Variants in SRGN observed in about 807,000 individuals in gnomAD.
The protein encoded by SRGN is serglycin, also known as hematopoetic proteoglycan core peptide.
A neutral mutation model predicts 9.5 loss-of-function variants in SRGN; 2 were observed. The ratio of observed to expected loss-of-function variants is 0.21; its 90% CI spans 0.09 to 0.66. The LOEUF (loss-of-function observed/expected upper bound fraction) is 0.66. Ranked by LOEUF, SRGN falls within the 30% of genes least tolerant of loss-of-function variation. The probability of loss-of-function intolerance (pLI) is 0.83; values close to 1 mark genes in which losing one functional copy is unlikely to be tolerated. For synonymous variants in SRGN, 59 were observed against 72.3 expected, an observed-to-expected ratio of 0.82 and a Z score of 0.93; for missense variants, 170 against 192.4, an observed-to-expected ratio of 0.88 and a Z score of 0.69.
At chr10:69,089,672 G>A (rs537871468) in intron 1 of SRGN, among the ~76,000 whole-genome samples, 1 of 152,104 alleles carries the variant, frequency 6.6e-6, no homozygotes, top group Non-Finnish European at 1.5e-5. Context: ...AAGGTAGGCA[G>A]ATCATGAGGT....
intron 1 of SRGN, among the ~76,000 whole-genome samples, chr10:69,091,908 AGAAAAAGAAAAGAAAAG>A (rs1840068335): frequency 1.2e-5 from 1 of 80,554 alleles, no homozygotes; most frequent in Non-Finnish European, 3.2e-5. Context: ...AAAAAAAAAA[AGAAAAAGAAAAGAAAAG>A]AAAAAAAAAA....
chr10:69,102,930 G>GTTAGTTT (rs1381751651), intron 2 of SRGN, among the ~76,000 whole-genome samples: 1 of 152,052 alleles, frequency 6.6e-6, no homozygotes, highest in East Asian at 1.9e-4. Context: ...GTTGTTAGTT[G>GTTAGTTT]TTTGTCCTTT....
intron 1 of SRGN, among the ~76,000 whole-genome samples, chr10:69,088,927 T>C (rs184675921): frequency 9.8e-5 from 15 of 152,308 alleles, no homozygotes. Context: ...TTAAAACCTG[T>C]AATGACTAAG....
rs769582371 is a variant in SRGN, at chr10:69,103,973, T to G, written c.330T>G (p.Ser110Arg). 4 of 1,613,960 alleles carry G rather than the reference T, an allele frequency of 2.5e-6. No homozygotes were observed. Among genetic ancestry groups the G allele is most frequent in the Non-Finnish European group, 3.4e-6 (4 of 1,180,038 alleles). Residue 110 changes from serine (S) to arginine (R), a missense_variant, in exon 3 of 3, where the codon AGT (serine) becomes AGG (arginine). Coordinates refer to ENST00000242465, the MANE Select transcript of SRGN (RefSeq NM_002727.4). ...CCGGCTCTGGATCAGGATCTGGGAG[T>G]GGCTTCCTAACGGAAATGGAACAGG... ...SGSGSGSGSGSGFLTEMEQDY... is the reference protein window; with the variant it reads ...SGSGSGSGSGRGFLTEMEQDY...
At chr10:69,097,426 A>C (rs1840198586) in intron 2 of SRGN, among the ~76,000 whole-genome samples, 195 bp downstream of exon 2, 1 of 38,542 alleles carries the variant, frequency 2.6e-5, no homozygotes. Context: ...ATGCCCAGCT[A>C]ATTTTTTTTT....
intron 2 of SRGN, among the ~76,000 whole-genome samples, chr10:69,103,227 C>A (rs1840326257): frequency 6.6e-6 from 1 of 151,996 alleles, no homozygotes; most frequent in African/African-American, 2.4e-5. Flanking sequence ...ACATGAGCCA[C>A]CACACCCGGC....
intron 1 of SRGN, among the ~76,000 whole-genome samples, chr10:69,091,628 T>C (rs1016654133): frequency 1.6e-4 from 25 of 151,992 alleles, no homozygotes; most frequent in African/African-American, 5.8e-4. Context: ...TCTGTAGTCT[T>C]AGCACTTTGG....
chr10:69,098,704 A>T (rs1392038243), intron 2 of SRGN: 1 of 152,226 alleles, frequency 6.6e-6, no homozygotes, highest in Non-Finnish European at 1.5e-5. Flanking sequence ...CATGCCTGTA[A>T]TCCCAGCACC....
chr10:69,091,879 C>CAAAAAAAAAAAAAAAAAAA (rs1177012248), intron 1 of SRGN, among the ~76,000 whole-genome samples: 17 of 31,760 alleles, frequency 5.4e-4, no homozygotes, highest in Admixed American at 1.1e-3. Flanking sequence ...GACTCTGTCT[C>CAAAAAAAAAAAAAAAAAAA]AAAAAAAAAA....
chr10:69,091,248 T>G (rs1363653027), intron 1 of SRGN, among the ~76,000 whole-genome samples: 3 of 152,200 alleles, frequency 2.0e-5, no homozygotes, highest in Non-Finnish European at 2.9e-5. Flanking sequence ...GTCGTCTGAT[T>G]TCAAGGCCAG....
intron 2 of SRGN, among the ~76,000 whole-genome samples, chr10:69,103,361 G>A (rs1286929576): frequency 2.6e-5 from 4 of 151,990 alleles, no homozygotes; most frequent in African/African-American, 9.7e-5. Context: ...TGGCCAATAT[G>A]GTGAAACTCC....
chr10:69,094,141 G>A, intron 1 of SRGN, among the ~76,000 whole-genome samples: 1 of 152,138 alleles, frequency 6.6e-6, no homozygotes, highest in East Asian at 1.9e-4. Context: ...GGCACAGGAA[G>A]TTTAAGTTGG....
intron 2 of SRGN, among the ~76,000 whole-genome samples, chr10:69,100,250 GAC>G (rs1305117905): frequency 3.3e-5 from 5 of 151,854 alleles, no homozygotes; most frequent in Admixed American, 1.3e-4. Context: ...TCTATAGAAA[GAC>G]ACAAAAACTA....
upstream of SRGN, among the ~76,000 whole-genome samples, chr10:69,087,781 T>C (rs1267355756): frequency 6.6e-6 from 1 of 151,874 alleles, no homozygotes; most frequent in Non-Finnish European, 1.5e-5. Context: ...TTCTTAATAT[T>C]AGCAATCTAG....
At chr10:69,088,585 G>C (rs1380821054) in intron 1 of SRGN, among the ~76,000 whole-genome samples, 1 of 152,172 alleles carries the variant, frequency 6.6e-6, no homozygotes, top group Admixed American at 6.5e-5. Flanking sequence ...CTGTTGGGGG[G>C]TGTCTGCCTA....
intron 2 of SRGN, among the ~76,000 whole-genome samples, chr10:69,100,688 G>T (rs1314787866): frequency 6.6e-6 from 1 of 152,124 alleles, no homozygotes; most frequent in African/African-American, 2.4e-5. Context: ...ATTGGCTGTG[G>T]GGTGGGGGTG....
Position 69,104,040 on chromosome 10 carries a change from C to T in SRGN, c.397C>T (p.Leu133Phe), listed in dbSNP as rs780931669. ...VDESDAFHDN[L>F]RSLDRNLPSD... is the part of the protein sequence containing the mutation. ...CGAAAGTGATGCTTTCCATGACAAC[C>T]TTAGGTCTCTTGACAGGAATCTGCC... is the stretch of plus-strand genomic sequence containing the variant. Residue 133 changes from leucine to phenylalanine, a missense_variant, in exon 3 of 3, where the codon CTT (leucine) becomes TTT (phenylalanine). Leu to Phe is a conservative substitution (Grantham distance 22). Coordinates refer to ENST00000242465, the MANE Select transcript of SRGN (RefSeq NM_002727.4). 6 of 1,614,070 alleles carry T rather than the reference C, an allele frequency of 3.7e-6. No individual in the cohort carries two copies. The highest frequency in any genetic ancestry group is 4.5e-5 in the East Asian group (2 of 44,900).
At chr10:69,096,668 T>C (rs1307921392) in intron 1 of SRGN, among the ~76,000 whole-genome samples, 2 of 152,220 alleles carry the variant, frequency 1.3e-5, no homozygotes, top group Non-Finnish European at 2.9e-5. Flanking sequence ...ATTTAGAATC[T>C]ATTTAGTTAA....
At chr10:69,103,196 C>T (rs1365508934) in intron 2 of SRGN, among the ~76,000 whole-genome samples, 2 of 151,988 alleles carry the variant, frequency 1.3e-5, no homozygotes, top group Admixed American at 6.5e-5. Flanking sequence ...ACCTTGGCCT[C>T]CCAAAGTGCT....
Sources: allele counts gnomAD v4.1 joint callset (sites outside exome capture counted in the v4.1 genomes callset), GRCh38; gene constraint gnomAD v4.1.1; transcripts MANE v1.5; gene names NCBI Gene and HGNC (gene_info 2026-07-23, HGNC 2026-07-21).